RIMS2: variants seen among roughly 807,000 people sequenced by gnomAD.
RIMS2 encodes the protein regulating synaptic membrane exocytosis 2.
Under a neutral mutation model 174.4 loss-of-function variants are expected in RIMS2, and 59 were observed. The ratio of observed to expected loss-of-function variants is 0.34; its 90% CI spans 0.27 to 0.42. The LOEUF is 0.42. RIMS2 is among the 10% of genes least tolerant of loss of function. The pLI is 1.00. For synonymous variants in RIMS2, 606 were observed against 572.5 expected, an observed-to-expected ratio of 1.06 and a Z score of -0.84; for missense variants, 1,620 against 1,666.3, an observed-to-expected ratio of 0.97 and a Z score of 0.48.
At chr8:103,903,050 C>T (rs956799159) in intron 4 of RIMS2, among the ~76,000 whole-genome samples, 9 of 151,892 alleles carry the variant, frequency 5.9e-5, no homozygotes, top group African/African-American at 2.2e-4. Context: ...TTAAATGTTC[C>T]CTACCTAATT....
At chr8:104,184,494 A>ATGTTT (rs1175836782) in intron 19 of RIMS2, among the ~76,000 whole-genome samples, 4 of 151,570 alleles carry the variant, frequency 2.6e-5, no homozygotes, top group Admixed American at 6.6e-5. Context: ...TATCTAAACA[A>ATGTTT]TGTTTTTATT....
chr8:103,679,819 A>G (rs1017772743), intron 1 of RIMS2, among the ~76,000 whole-genome samples: 1 of 152,040 alleles, frequency 6.6e-6, no homozygotes, highest in African/African-American at 2.4e-5. Flanking sequence ...AACTAGTTTT[A>G]TGATTATATC....
chr8:103,711,713 T>C (rs1291089580), intron 2 of RIMS2, among the ~76,000 whole-genome samples: 3 of 152,010 alleles, frequency 2.0e-5, no homozygotes, highest in Non-Finnish European at 2.9e-5. Context: ...CTGGGCAACA[T>C]GGTGAAACCT....
chr8:104,250,288 T>C (rs1339217165), intron 22 of RIMS2, among the ~76,000 whole-genome samples: 2 of 152,158 alleles, frequency 1.3e-5, no homozygotes, highest in Admixed American at 6.6e-5. Flanking sequence ...CTCTCAACTT[T>C]TCTATTTCTA....
intron 3 of RIMS2, among the ~76,000 whole-genome samples, chr8:103,827,500 GA>G (rs1242214408): frequency 9.9e-5 from 15 of 152,170 alleles, no homozygotes; most frequent in African/African-American, 3.4e-4. Flanking sequence ...ATGTCAAACA[GA>G]AGTTGTGAGA....
At chr8:103,576,508 C>T (rs542130441) in intron 1 of RIMS2, among the ~76,000 whole-genome samples, 9 of 152,202 alleles carry the variant, frequency 5.9e-5, no homozygotes, top group East Asian at 1.9e-4. Context: ...CTGACCCTAA[C>T]GAGACAGCCA....
At chr8:103,761,036 T>C (rs1386266345) in intron 2 of RIMS2, among the ~76,000 whole-genome samples, 1 of 152,226 alleles carries the variant, frequency 6.6e-6, no homozygotes, top group Non-Finnish European at 1.5e-5. Context: ...GTAGTGAATA[T>C]ATTATAGTCA....
At chr8:103,778,862 C>A (rs1236400957) in intron 3 of RIMS2, among the ~76,000 whole-genome samples, 1 of 152,044 alleles carries the variant, frequency 6.6e-6, no homozygotes, top group African/African-American at 2.4e-5. Context: ...AATTTATGTC[C>A]CCACCAAGTG....
intron 16 of RIMS2, chr8:103,975,912 A>G (rs1312453646): frequency 1.3e-5 from 2 of 154,616 alleles, no homozygotes; most frequent in African/African-American, 4.8e-5. Context: ...AAACTTAGCA[A>G]GCAAGGTTAT....
At chr8:103,726,991 C>T (rs190002857) in intron 2 of RIMS2, among the ~76,000 whole-genome samples, 120 of 151,564 alleles carry the variant, frequency 7.9e-4, no homozygotes, top group African/African-American at 2.9e-3. Flanking sequence ...CCCACCTCAG[C>T]CTCCCAAAGT....
chr8:103,603,217 A>G (rs1234192533), intron 1 of RIMS2, among the ~76,000 whole-genome samples: 1 of 142,522 alleles, frequency 7.0e-6, no homozygotes, highest in Non-Finnish European at 1.5e-5. Flanking sequence ...CTCATTGTTC[A>G]ATTCCCACCT....
At chr8:103,767,306 G>C (rs993735113) in intron 3 of RIMS2, among the ~76,000 whole-genome samples, 2 of 151,572 alleles carry the variant, frequency 1.3e-5, no homozygotes, top group African/African-American at 4.9e-5. Flanking sequence ...CCCTGCCTCA[G>C]CCTCCCGAGT....
At chr8:103,639,893 G>A (rs1011925776) in intron 1 of RIMS2, among the ~76,000 whole-genome samples, 1 of 151,908 alleles carries the variant, frequency 6.6e-6, no homozygotes, top group African/African-American at 2.4e-5. Flanking sequence ...TGAGATTTTG[G>A]TTGGGATTGC....
At chr8:103,862,915 T>C (rs2099066103) in intron 3 of RIMS2, among the ~76,000 whole-genome samples, 1 of 152,166 alleles carries the variant, frequency 6.6e-6, no homozygotes, top group South Asian at 2.1e-4. Context: ...CAGAGATAAT[T>C]TGACTTCCCC....
chr8:103,542,912 CA>C lies in RIMS2; in HGVS notation c.176+41851del, dbSNP rs2131312193. 2.0e-5 allele frequency among the ~76,000 whole-genome samples: 3 copies of C among 152,258 alleles called. No homozygotes were observed. The East Asian group carries it at 5.8e-4, about 29-fold the overall frequency. On this transcript the variant is annotated intron_variant, in intron 1 of 23. Transcript: ENST00000504942. ...CGTTACATCACAAACTCACAACTAACATCATTCCCAATGGTGAAAGTTGAAA... is the reference window on the plus strand; with the variant it reads ...CGTTACATCACAAACTCACAACTAACTCATTCCCAATGGTGAAAGTTGAAA...
intron 12 of RIMS2, among the ~76,000 whole-genome samples, chr8:103,931,745 C>T (rs1382229745): frequency 6.6e-6 from 1 of 151,882 alleles, no homozygotes; most frequent in African/African-American, 2.4e-5. Flanking sequence ...AAAATACTAG[C>T]TTTTTTAGTA....
At chr8:103,955,945 T>C (rs2087033462) in intron 14 of RIMS2, among the ~76,000 whole-genome samples, 2 of 152,172 alleles carry the variant, frequency 1.3e-5, no homozygotes, top group Admixed American at 1.3e-4. Flanking sequence ...CAAGCATTCC[T>C]ATACACTAAT....
At chr8:103,989,530 C>CA (rs1193379797) in intron 17 of RIMS2, 109 bp downstream of exon 19, 8 of 585,266 alleles carry the variant, frequency 1.4e-5, no homozygotes. Flanking sequence ...GTTTCTGAAA[C>CA]AATGTTTTTC....
chr8:103,729,100 T>C (rs189386366), intron 2 of RIMS2, among the ~76,000 whole-genome samples: 2 of 152,198 alleles, frequency 1.3e-5, no homozygotes, highest in Non-Finnish European at 2.9e-5. Flanking sequence ...ATAGAATGAG[T>C]TTGGAAATAT....
Sources: allele counts gnomAD v4.1 joint callset (sites outside exome capture counted in the v4.1 genomes callset), GRCh38; gene constraint gnomAD v4.1.1; transcripts MANE v1.5; gene names NCBI Gene and HGNC (gene_info 2026-07-23, HGNC 2026-07-21).